KIRREL3: variants seen among roughly 807,000 people sequenced by gnomAD.
KIRREL3 encodes the protein kin of IRRE-like protein 3.
Under a neutral mutation model 89.7 loss-of-function variants are expected in KIRREL3, and 36 were observed. That is an observed-to-expected ratio of 0.40 (90% CI 0.31 to 0.53). KIRREL3 has a LOEUF of 0.53. KIRREL3 is among the 20% of genes least tolerant of loss of function. The pLI is 0.49. For missense variants in KIRREL3, 864 were observed against 1,056.6 expected (o/e 0.82, Z 2.53); for synonymous variants, 445 against 441.4 (o/e 1.01, Z -0.10).
rs540402813 is a variant in KIRREL3, at chr11:126,486,739, C to G, written c.434-13273G>C. Among the ~76,000 whole-genome samples, 1 of 152,342 alleles carries G rather than the reference C, an allele frequency of 6.6e-6. No homozygotes were observed. Among genetic ancestry groups the G allele is most frequent in the South Asian group, 2.1e-4 (1 of 4,830 alleles). On this transcript the variant is annotated intron_variant, in intron 4 of 16. Transcript: ENST00000525144. This position sits in a 1 kb window ranked among gnomAD's most constrained non-coding sequence, Gnocchi z 6.2. Reference sequence around the variant, plus strand: ...GCAAGTCACGCAACTGGCAAGGACTCTGGCTCAGATCCTGCTGCCCCAACC... The same window carrying G: ...GCAAGTCACGCAACTGGCAAGGACTGTGGCTCAGATCCTGCTGCCCCAACC...
chr11:126,645,472 C>A lies in KIRREL3; in HGVS notation c.56-82560G>T, dbSNP rs74527058. Among the ~76,000 whole-genome samples, 1 of 152,226 alleles carries A rather than the reference C, an allele frequency of 6.6e-6. No homozygotes were observed. Among genetic ancestry groups the A allele is most frequent in the South Asian group, 2.1e-4 (1 of 4,816 alleles). On this transcript the variant is annotated intron_variant, in intron 1 of 16. Transcript: ENST00000525144. The surrounding 1 kb of genome is among the most constrained non-coding windows in gnomAD (Gnocchi z 4.9). ...TACAGGGTACCCTGCATTATGCAGA[C>A]TGAGAGCTCTAGAAATATTTGTGGC...
In KIRREL3 at chr11:126,521,700, G is replaced by A. The variant is rs867631029; in HGVS notation, c.284-236C>T. 7.1e-5 allele frequency among the ~76,000 whole-genome samples: 6 copies of A among 84,582 alleles called. No homozygotes were observed. The highest frequency in any genetic ancestry group is 2.3e-4 in the Admixed American group (2 of 8,876). The allele number at this position is 84,582 out of a possible 152,430, so 55.5% of individuals were successfully genotyped here. On this transcript the variant is annotated intron_variant, in intron 3 of 16. Transcript: ENST00000525144. The surrounding 1 kb of genome is among the most constrained non-coding windows in gnomAD (Gnocchi z 4.1). The stretch of plus-strand genomic sequence containing the variant: ...TATGTGTGTGTGTGTGTGTGTGTGT[G>A]TGTGTGTGTGTGTGTGTGTGTGTGT...
intron 1 of KIRREL3, among the ~76,000 whole-genome samples, chr11:126,618,185 T>C (rs1257446819): frequency 6.6e-6 from 1 of 152,216 alleles, no homozygotes; most frequent in Non-Finnish European, 1.5e-5. Context: ...ACTTCTGCCA[T>C]GATTGTAAGT....
In KIRREL3 at chr11:126,897,772, A is replaced by G. The variant is rs1378221772; in HGVS notation, c.55+102683T>C. Reference sequence around the variant, plus strand: ...GCAAAAGCCCATTTTATTCTCATGAAAAAGAATTTAATGACCCTCTGATAT... The same window carrying G: ...GCAAAAGCCCATTTTATTCTCATGAGAAAGAATTTAATGACCCTCTGATAT... On this transcript the variant is annotated intron_variant, in intron 1 of 16. Transcript: ENST00000525144. The surrounding 1 kb of genome is among the most constrained non-coding windows in gnomAD (Gnocchi z 4.2). Among the ~76,000 whole-genome samples the G allele has an allele frequency of 6.6e-6, 1 of 152,230 alleles. No homozygotes were observed. The highest frequency in any genetic ancestry group is 1.9e-4 in the East Asian group (1 of 5,206).
rs1957657110 is a variant in KIRREL3 at position 126,496,415 on chromosome 11, G to GA, written c.434-22950dup. On this transcript the variant is annotated intron_variant, in intron 4 of 16. Transcript: ENST00000525144. The surrounding 1 kb of genome is among the most constrained non-coding windows in gnomAD (Gnocchi z 4.9). Reference sequence around the variant, plus strand: ...GTGATTTGGACAAGGGTACACAGCTGAAAAATGAAAGGGCCAGTCTTAGGG... The same window carrying GA: ...GTGATTTGGACAAGGGTACACAGCTGAAAAAATGAAAGGGCCAGTCTTAGGG... 6.6e-6 allele frequency among the ~76,000 whole-genome samples: 1 copy of GA among 152,118 alleles called. No homozygotes were observed. Among genetic ancestry groups the GA allele is most frequent in the Non-Finnish European group, 1.5e-5 (1 of 68,034 alleles).
intron 1 of KIRREL3, among the ~76,000 whole-genome samples, chr11:126,775,613 G>A (rs1191352735): frequency 6.6e-6 from 1 of 151,982 alleles, no homozygotes; most frequent in Non-Finnish European, 1.5e-5. Context: ...GGGTCTTTAG[G>A]GCCTATTAGC....
At position 126,755,327 on chromosome 11, in the gene KIRREL3, T is replaced by C. The variant is rs1949456516; in HGVS notation, c.56-192415A>G. Reference sequence around the variant, plus strand: ...CCAGGCTGGGTGGAGAAGTTCATTATAATTTTAGCCATGAAGTCCTGAAGT... The same window carrying C: ...CCAGGCTGGGTGGAGAAGTTCATTACAATTTTAGCCATGAAGTCCTGAAGT... On this transcript the variant is annotated intron_variant, in intron 1 of 16. Transcript: ENST00000525144. The surrounding 1 kb of genome is among the most constrained non-coding windows in gnomAD (Gnocchi z 4.3). 6.6e-6 allele frequency among the ~76,000 whole-genome samples: 1 copy of C among 152,176 alleles called. No individual in the cohort carries two copies. The highest frequency in any genetic ancestry group is 1.5e-5 in the Non-Finnish European group (1 of 68,028).
intron 1 of KIRREL3, among the ~76,000 whole-genome samples, chr11:126,972,864 A>T (rs528460164): frequency 6.6e-6 from 1 of 152,234 alleles, no homozygotes; most frequent in Non-Finnish European, 1.5e-5. Flanking sequence ...AAAGGAAAAA[A>T]AGTCATTTTT....
intron 1 of KIRREL3, among the ~76,000 whole-genome samples, chr11:126,992,055 A>G (rs1349898997): frequency 6.6e-6 from 1 of 152,214 alleles, no homozygotes; most frequent in Non-Finnish European, 1.5e-5. Flanking sequence ...AATGCTAGTT[A>G]TCATCACCAT....
intron 1 of KIRREL3, among the ~76,000 whole-genome samples, chr11:126,888,553 G>T (rs1945787316): frequency 6.6e-6 from 1 of 152,170 alleles, no homozygotes; most frequent in African/African-American, 2.4e-5. Context: ...TCAGGCACTA[G>T]ACTTTGCCAA....
At chr11:126,426,490 T>C (rs74657953) in intron 15 of KIRREL3, among the ~76,000 whole-genome samples, 9,305 of 152,216 alleles carry the variant, frequency 0.061, 568 homozygotes, top group African/African-American at 0.15. Flanking sequence ...TGATATACAA[T>C]AGAGCTGCTT....
intron 1 of KIRREL3, among the ~76,000 whole-genome samples, chr11:126,743,151 TGGCA>T (rs1159213756): frequency 1.3e-5 from 2 of 152,106 alleles, no homozygotes; most frequent in African/African-American, 2.4e-5. Flanking sequence ...TTAGAGTAGT[TGGCA>T]AACAAACAAA....
intron 10 of KIRREL3, chr11:126,440,867 A>G (rs1241767463): frequency 1.7e-5 from 7 of 417,034 alleles, no homozygotes. Context: ...CAGAGGAGAG[A>G]GAATAATTCT....
At position 126,689,328 on chromosome 11, in the gene KIRREL3, ATGAGGCTGAC is replaced by A. The variant is rs532980117; in HGVS notation, c.56-126426_56-126417del. 1.3e-5 allele frequency among the ~76,000 whole-genome samples: 2 copies of A among 152,316 alleles called. No individual in the cohort carries two copies. The highest frequency in any genetic ancestry group is 4.8e-5 in the African/African-American group (2 of 41,574). ...TTGGAAGAATGAGACACCTTGGAAG[ATGAGGCTGAC>A]CAGGCCATGGAGCTGCCCAGACCCC... is the stretch of plus-strand genomic sequence containing the variant. On this transcript the variant is annotated intron_variant, in intron 1 of 16. Coordinates refer to ENST00000525144, the MANE Select transcript of KIRREL3 (RefSeq NM_032531.4). This position sits in a 1 kb window ranked among gnomAD's most constrained non-coding sequence, Gnocchi z 5.2.
At position 126,788,423 on chromosome 11, in the gene KIRREL3, T is replaced by G. The variant is rs1441919182; in HGVS notation, c.55+212032A>C. Among the ~76,000 whole-genome samples, 3 of 152,186 alleles carry G rather than the reference T, an allele frequency of 2.0e-5. No individual in the cohort carries two copies. Among genetic ancestry groups the G allele is most frequent in the Non-Finnish European group, 4.4e-5 (3 of 68,038 alleles). On this transcript the variant is annotated intron_variant, in intron 1 of 16. Coordinates refer to ENST00000525144, the MANE Select transcript of KIRREL3 (RefSeq NM_032531.4). The surrounding 1 kb of genome is among the most constrained non-coding windows in gnomAD (Gnocchi z 4.1). ...GAGACTGAGACAGGGCTGTGCTTCT[T>G]CCCTTGCCTCCTCTGTCCATGTTCT... is the stretch of plus-strand genomic sequence containing the variant.
chr11:126,981,643 T>G lies in KIRREL3; in HGVS notation c.55+18812A>C, dbSNP rs1184871209. On this transcript the variant is annotated intron_variant, in intron 1 of 16. Transcript: ENST00000525144. The surrounding 1 kb of genome is among the most constrained non-coding windows in gnomAD (Gnocchi z 4.2). ...GCACTGTTAAAACCACACATTTGGG[T>G]GTCGGAGGAGGTCTCAGCCACACAT... Among the ~76,000 whole-genome samples, 3 of 152,166 alleles carry G rather than the reference T, an allele frequency of 2.0e-5. No individual in the cohort carries two copies. The highest frequency in any genetic ancestry group is 6.5e-5 in the Admixed American group (1 of 15,276).
rs1298398878 is a variant in KIRREL3, at chr11:126,773,161, T to A, written c.56-210249A>T. On this transcript the variant is annotated intron_variant, in intron 1 of 16. Transcript: ENST00000525144. This position sits in a 1 kb window ranked among gnomAD's most constrained non-coding sequence, Gnocchi z 4.2. Reference sequence around the variant, plus strand: ...GATTTTGTAGGTCTGTGATGATTGATTTTTTGTGTCAACTTTGCTGGGACA... The same window carrying A: ...GATTTTGTAGGTCTGTGATGATTGAATTTTTGTGTCAACTTTGCTGGGACA... Among the ~76,000 whole-genome samples, 1 of 152,188 alleles carries A rather than the reference T, an allele frequency of 6.6e-6. No homozygotes were observed. Among genetic ancestry groups the A allele is most frequent in the African/African-American group, 2.4e-5 (1 of 41,444 alleles).
chr11:126,885,109 G>A (rs563854046), intron 1 of KIRREL3, among the ~76,000 whole-genome samples: 2 of 152,238 alleles, frequency 1.3e-5, no homozygotes, highest in African/African-American at 4.8e-5. Context: ...CTTGCATATG[G>A]GAGAGGAATA....
Position 126,956,633 on chromosome 11 carries a change from G to T in KIRREL3, c.55+43822C>A, listed in dbSNP as rs151121309. Among the ~76,000 whole-genome samples the T allele has an allele frequency of 3.3e-5, 5 of 152,156 alleles. No individual in the cohort carries two copies. In the East Asian group the frequency reaches 9.7e-4, roughly 29 times the overall value. Reference sequence around the variant, plus strand: ...TGGTAGTCGGGGTGGATTATCAATCGCATTTTCTTTCCCCTGGAATGTGTC... The same window carrying T: ...TGGTAGTCGGGGTGGATTATCAATCTCATTTTCTTTCCCCTGGAATGTGTC... On this transcript the variant is annotated intron_variant, in intron 1 of 16. Coordinates refer to ENST00000525144, the MANE Select transcript of KIRREL3 (RefSeq NM_032531.4).
Sources: allele counts gnomAD v4.1 joint callset (sites outside exome capture counted in the v4.1 genomes callset), GRCh38; gene constraint gnomAD v4.1.1; non-coding constraint Gnocchi (gnomAD v3.1); transcripts MANE v1.5; gene names NCBI Gene and HGNC (gene_info 2026-07-23, HGNC 2026-07-21).